Variants in ANKRD36 observed in about 807,000 individuals in gnomAD.
ANKRD36 encodes the protein ankyrin repeat domain-containing protein 36A.
Under a neutral mutation model 278.1 loss-of-function variants are expected in ANKRD36, and 179 were observed. The observed-to-expected ratio is 0.64, with a 90% CI of 0.57 to 0.73. The LOEUF (loss-of-function observed/expected upper bound fraction) is 0.73. Among genes scored for constraint, ANKRD36 ranks in the 30% least tolerant of loss-of-function variants. The probability of loss-of-function intolerance (pLI) is 0.00; values close to 1 mark genes in which losing one functional copy is unlikely to be tolerated. For synonymous variants in ANKRD36, 320 were observed against 641.1 expected (o/e 0.50, Z 7.57); for missense variants, 1,159 against 1,956.7 (o/e 0.59, Z 7.69).
intron 22 of ANKRD36, among the ~76,000 whole-genome samples, chr2:97,169,832 A>G (rs371666822): frequency 1.3e-5 from 2 of 152,258 alleles, no homozygotes; most frequent in East Asian, 1.9e-4. Context: ...GGAAGAATCA[A>G]TATCATGAAA....
At chr2:97,129,315 GTTGT>G (rs2039451850) in intron 6 of ANKRD36, among the ~76,000 whole-genome samples, 1 of 151,996 alleles carries the variant, frequency 6.6e-6, no homozygotes, top group Admixed American at 6.6e-5. Context: ...TTTTGATGGG[GTTGT>G]TTGTTTTTTT....
rs527744501 is a variant in ANKRD36, at chr2:97,132,028, C to T, written c.799+4894C>T. 2.5e-3 allele frequency among the ~76,000 whole-genome samples: 376 copies of T among 152,000 alleles called. 1 individual carries two copies. The highest frequency in any genetic ancestry group is 7.9e-3 in the African/African-American group (328 of 41,472). ...ATTTTTAGTAGAGTCGGGGTTTCACCGTGTTAGCCAGGATGGTCTGCATCT... is the reference window on the plus strand; with the variant it reads ...ATTTTTAGTAGAGTCGGGGTTTCACTGTGTTAGCCAGGATGGTCTGCATCT... On this transcript the variant is annotated intron_variant, in intron 6 of 75. Transcript: ENST00000420699.
chr2:97,226,583 C>T, intron 67 of ANKRD36, among the ~76,000 whole-genome samples: 1 of 151,904 alleles, frequency 6.6e-6, no homozygotes, highest in Non-Finnish European at 1.5e-5. Context: ...GTTGCCTGTT[C>T]ACTCTGATGG....
intron 75 of ANKRD36, among the ~76,000 whole-genome samples, chr2:97,260,380 A>G (rs1401009314): frequency 9.6e-6 from 1 of 103,982 alleles, no homozygotes; most frequent in Non-Finnish European, 1.6e-5. Flanking sequence ...ATATATATAT[A>G]CACACATATA....
intron 46 of ANKRD36, 39 bp from the exon 47 acceptor site, chr2:97,202,163 T>A (rs1405430255): frequency 4.4e-6 from 7 of 1,607,214 alleles, no homozygotes; most frequent in Non-Finnish European, 5.9e-6. Flanking sequence ...CTTTGTCATA[T>A]TTACGTATGA....
rs117259392 is a variant in ANKRD36 at position 97,209,207 on chromosome 2, A to T, written c.3266-474A>T. 4.0e-3 allele frequency among the ~76,000 whole-genome samples: 594 copies of T among 146,672 alleles called. 52 individuals carry two copies. The East Asian group carries it at 0.063, about 16-fold the overall frequency. On this transcript the variant is annotated intron_variant, in intron 54 of 75. Transcript: ENST00000420699. ...AGATGTGAAGTGTACTTTCAACTGG[A>T]GTGTCATTGTAATTGTGTGCCTTCT...
intron 58 of ANKRD36, among the ~76,000 whole-genome samples, 164 bp downstream of exon 58, chr2:97,211,905 C>T (rs1452763974): frequency 6.6e-6 from 1 of 151,846 alleles, no homozygotes; most frequent in African/African-American, 2.4e-5. Flanking sequence ...ATGCTGTGGT[C>T]CTTGGCCATG....
chr2:97,183,368 A>G, intron 26 of ANKRD36, 91 bp from the exon 27 acceptor site: 3 of 1,405,032 alleles, frequency 2.1e-6, no homozygotes, highest in Non-Finnish European at 2.9e-6. Context: ...TGCAGGCAGG[A>G]GGATACAGCT....
At chr2:97,175,527 T>A (rs2053979326) in intron 22 of ANKRD36, among the ~76,000 whole-genome samples, 1 of 152,002 alleles carries the variant, frequency 6.6e-6, no homozygotes, top group Admixed American at 6.6e-5. Context: ...TTTTCTTTAT[T>A]AGTCTTGCTA....
intron 23 of ANKRD36, 46 bp from the exon 24 acceptor site, chr2:97,179,815 G>C: frequency 6.3e-7 from 1 of 1,599,314 alleles, no homozygotes; most frequent in Non-Finnish European, 8.5e-7. Context: ...TATAGTCTAT[G>C]AAACCTACTT....
At chr2:97,211,478 T>G (rs1435255435) in intron 56 of ANKRD36, 68 bp from the exon 57 acceptor site, 1 of 1,576,842 alleles carries the variant, frequency 6.3e-7, no homozygotes, top group Admixed American at 1.7e-5. Context: ...ATGCTAACAC[T>G]GTATGAATGT....
intron 9 of ANKRD36, 29 bp from the exon 10 acceptor site, chr2:97,144,611 T>C (rs1247582358): frequency 7.1e-6 from 11 of 1,553,584 alleles, no homozygotes; most frequent in Non-Finnish European, 9.5e-6. Flanking sequence ...ACTGTAGGTA[T>C]TGATTATTTT....
At chr2:97,232,882 G>A (rs1240521346) in intron 67 of ANKRD36, among the ~76,000 whole-genome samples, 2 of 152,020 alleles carry the variant, frequency 1.3e-5, no homozygotes, top group Non-Finnish European at 2.9e-5. Context: ...AGGTTGTGAG[G>A]CAAATGACAA....
chr2:97,130,318 ACAT>A (rs2039769890), intron 6 of ANKRD36, among the ~76,000 whole-genome samples: 2 of 151,920 alleles, frequency 1.3e-5, no homozygotes, highest in African/African-American at 4.8e-5. Flanking sequence ...AAGCTGGAAA[ACAT>A]CACTCTCAGC....
chr2:97,230,594 G>A (rs1244350580), intron 67 of ANKRD36, among the ~76,000 whole-genome samples: 1 of 152,028 alleles, frequency 6.6e-6, no homozygotes, highest in African/African-American at 2.4e-5. Flanking sequence ...ATTTCCTCCT[G>A]TAGCTCAGAG....
At chr2:97,261,177 G>A (rs2076717176) in intron 75 of ANKRD36, among the ~76,000 whole-genome samples, 1 of 124,282 alleles carries the variant, frequency 8.0e-6, no homozygotes, top group Admixed American at 8.6e-5. Context: ...ACTGTTTGAT[G>A]TAAGTTGCCT....
chr2:97,137,476 G>A (rs1047314884), intron 6 of ANKRD36, among the ~76,000 whole-genome samples: 1 of 151,640 alleles, frequency 6.6e-6, no homozygotes, highest in Non-Finnish European at 1.5e-5. Context: ...TTAATAAAGA[G>A]TCTTGCTATG....
chr2:97,195,155 G>C lies in ANKRD36; in HGVS notation c.2551+238G>C, dbSNP rs2059423892. 2.0e-5 allele frequency among the ~76,000 whole-genome samples: 3 copies of C among 152,112 alleles called. No individual in the cohort carries two copies. The South Asian group carries it at 6.2e-4, about 32-fold the overall frequency. ...GGAGGAAGAAATATGGAGAGCAGTT[G>C]AAGACATAAGGGGCTCTGGGGCCCA... On this transcript the variant is annotated intron_variant, in intron 40 of 75. Coordinates refer to ENST00000420699, the MANE Select transcript of ANKRD36 (RefSeq NM_001354587.1).
At position 97,207,808 on chromosome 2, in the gene ANKRD36, C is replaced by A; in HGVS notation, c.3164-3C>A. 2 of 1,546,256 alleles carry A rather than the reference C, an allele frequency of 1.3e-6. No individual in the cohort carries two copies. Among genetic ancestry groups the A allele is most frequent in the Non-Finnish European group, 1.7e-6 (2 of 1,144,328 alleles). ...GTGATTATGAATCCCTTTTACTTTT[C>A]AGTGTCTTCTGAGAAACCATCAGGC... On this transcript the variant is annotated splice_polypyrimidine_tract_variant and splice_region_variant and intron_variant, in intron 52 of 75. Transcript: ENST00000420699.
Sources: allele counts gnomAD v4.1 joint callset (sites outside exome capture counted in the v4.1 genomes callset), GRCh38; gene constraint gnomAD v4.1.1; transcripts MANE v1.5; gene names NCBI Gene and HGNC (gene_info 2026-07-23, HGNC 2026-07-21).